The following TRAPPC9 variants were observed in gnomAD, a reference collection of about 807,000 sequenced individuals.
TRAPPC9 encodes the protein IKK2 binding protein.
TRAPPC9 carries 83 observed loss-of-function variants against 124.0 expected under a neutral mutation model. The ratio of observed to expected loss-of-function variants is 0.67; its 90% CI spans 0.56 to 0.80. The LOEUF (loss-of-function observed/expected upper bound fraction) is 0.80. Among genes scored for constraint, TRAPPC9 ranks in the 30% least tolerant of loss-of-function variants. The probability of loss-of-function intolerance (pLI) is 0.00; values close to 1 mark genes in which losing one functional copy is unlikely to be tolerated. For synonymous variants in TRAPPC9, 638 were observed against 617.5 expected, an observed-to-expected ratio of 1.03 and a Z score of -0.49; for missense variants, 1,302 against 1,508.3, an observed-to-expected ratio of 0.86 and a Z score of 2.27.
chr8:140,153,739 A>G (rs1270666518), intron 17 of TRAPPC9, among the ~76,000 whole-genome samples: 1 of 152,194 alleles, frequency 6.6e-6, no homozygotes, highest in Non-Finnish European at 1.5e-5. Flanking sequence ...TTTGATTATA[A>G]CATTCAATTG....
intron 20 of TRAPPC9, among the ~76,000 whole-genome samples, chr8:139,893,904 G>A (rs1304865623): frequency 2.6e-5 from 4 of 152,232 alleles, no homozygotes; most frequent in Admixed American, 6.5e-5. Flanking sequence ...GTAGCACCAC[G>A]TGATGCTCAC....
intron 19 of TRAPPC9, among the ~76,000 whole-genome samples, chr8:139,958,131 A>G (rs907288141): frequency 6.6e-6 from 1 of 152,196 alleles, no homozygotes; most frequent in Non-Finnish European, 1.5e-5. Context: ...CTGCCACTGC[A>G]GGCATGAGGA....
intron 15 of TRAPPC9, among the ~76,000 whole-genome samples, chr8:140,274,029 T>G (rs2065042762): frequency 6.6e-6 from 1 of 152,100 alleles, no homozygotes; most frequent in Non-Finnish European, 1.5e-5. Flanking sequence ...CCCTGTGATC[T>G]CCTTGGGGCT....
intron 19 of TRAPPC9, among the ~76,000 whole-genome samples, chr8:139,981,052 T>G (rs1836859612): frequency 6.6e-6 from 1 of 152,230 alleles, no homozygotes; most frequent in South Asian, 2.1e-4. Flanking sequence ...AACCACTGCA[T>G]CTTCCCCAGC....
intron 21 of TRAPPC9, among the ~76,000 whole-genome samples, chr8:139,817,683 G>A (rs1420321485): frequency 6.6e-6 from 1 of 152,238 alleles, no homozygotes; most frequent in Non-Finnish European, 1.5e-5. Flanking sequence ...CTTCTCTTTA[G>A]AAGGTTTTTC....
chr8:140,053,347 T>C lies in TRAPPC9; in HGVS notation c.2557-29268A>G, dbSNP rs1454360403. ...TGTTGTCCAGGAGTGTGCTGCCTAA[T>C]TGGCACACATTTGTGAATTTTCCAG... On this transcript the variant is annotated intron_variant, in intron 17 of 22. Coordinates refer to ENST00000438773, the MANE Select transcript of TRAPPC9 (RefSeq NM_001160372.4). 2.0e-5 allele frequency among the ~76,000 whole-genome samples: 3 copies of C among 152,354 alleles called. No homozygotes were observed. The East Asian group carries it at 5.8e-4, about 29-fold the overall frequency.
chr8:140,004,367 T>G (rs1433765554), intron 18 of TRAPPC9, among the ~76,000 whole-genome samples: 1 of 152,196 alleles, frequency 6.6e-6, no homozygotes, highest in Non-Finnish European at 1.5e-5. Context: ...AAAAAACATT[T>G]AAATCAATGC....
intron 21 of TRAPPC9, among the ~76,000 whole-genome samples, chr8:139,860,107 C>T (rs979070259): frequency 4.6e-5 from 7 of 152,238 alleles, no homozygotes; most frequent in African/African-American, 9.6e-5. Context: ...ACAGTGTCAG[C>T]ACATCCAGTA....
At chr8:139,938,795 G>A (rs897033657) in intron 19 of TRAPPC9, among the ~76,000 whole-genome samples, 10 of 149,938 alleles carry the variant, frequency 6.7e-5, no homozygotes, top group East Asian at 4.1e-4. Context: ...ACAGGCGCCC[G>A]CCACCACGCC....
chr8:140,404,909 CGTGTGTGTGTGTGTGT>C (rs71320356), intron 6 of TRAPPC9, among the ~76,000 whole-genome samples: 2 of 120,058 alleles, frequency 1.7e-5, no homozygotes, highest in African/African-American at 2.7e-5. Context: ...TGTGAGCATG[CGTGTGTGTGTGTGTGT>C]GTGTGTGTGT....
At chr8:140,151,847 A>G (rs1487441314) in intron 17 of TRAPPC9, among the ~76,000 whole-genome samples, 1 of 152,056 alleles carries the variant, frequency 6.6e-6, no homozygotes, top group Non-Finnish European at 1.5e-5. Flanking sequence ...ATGACACTCA[A>G]ATCTTTACCA....
intron 19 of TRAPPC9, among the ~76,000 whole-genome samples, chr8:139,954,492 G>C (rs1834855553): frequency 6.6e-6 from 1 of 152,096 alleles, no homozygotes; most frequent in Admixed American, 6.5e-5. Flanking sequence ...CTTGCCTCTA[G>C]ACCTGTGAGA....
intron 2 of TRAPPC9, among the ~76,000 whole-genome samples, chr8:140,440,804 C>T (rs2070986759): frequency 6.6e-6 from 1 of 152,076 alleles, no homozygotes. Flanking sequence ...ACTCCACAGG[C>T]AACCTTGCTG....
chr8:140,294,509 T>C (rs1385183023), intron 11 of TRAPPC9, among the ~76,000 whole-genome samples: 3 of 152,200 alleles, frequency 2.0e-5, no homozygotes, highest in Non-Finnish European at 4.4e-5. Context: ...GAAAAATCAT[T>C]TTCTAGAGTA....
At chr8:140,382,675 G>A (rs976666911) in intron 7 of TRAPPC9, among the ~76,000 whole-genome samples, 1 of 152,164 alleles carries the variant, frequency 6.6e-6, no homozygotes, top group Non-Finnish European at 1.5e-5. Context: ...CTTGAACTGG[G>A]TGGAGCCCAA....
At chr8:139,945,321 A>G (rs527595134) in intron 19 of TRAPPC9, among the ~76,000 whole-genome samples, 1 of 152,208 alleles carries the variant, frequency 6.6e-6, no homozygotes, top group East Asian at 1.9e-4. Context: ...CATCATATGA[A>G]ATAGACTTCA....
chr8:139,996,530 C>G lies in TRAPPC9; in HGVS notation c.2700-7694G>C, dbSNP rs73355307. ...TTAACAGATTATCCAATGGAAACAA[C>G]AGGGGAAAATAAAACAGAAAAAAAA... On this transcript the variant is annotated intron_variant, in intron 18 of 22. Transcript: ENST00000438773. Among the ~76,000 whole-genome samples, 225 of 151,108 alleles carry G rather than the reference C, an allele frequency of 1.5e-3. 2 individuals are homozygous for G. Among genetic ancestry groups the G allele is most frequent in the African/African-American group, 5.0e-3 (206 of 41,112 alleles).
intron 21 of TRAPPC9, among the ~76,000 whole-genome samples, chr8:139,874,608 T>TG (rs948308045): frequency 7.0e-4 from 107 of 152,190 alleles, no homozygotes; most frequent in African/African-American, 2.5e-3. Flanking sequence ...TATGAAGGCC[T>TG]GGGGGGAGCA....
intron 9 of TRAPPC9, among the ~76,000 whole-genome samples, chr8:140,340,127 C>T (rs904924374): frequency 2.6e-5 from 4 of 152,164 alleles, no homozygotes; most frequent in African/African-American, 4.8e-5. Flanking sequence ...GATTTACAGG[C>T]ATGAGCCACT....
Sources: gnomAD v4.1 joint callset for allele counts (sites outside exome capture counted in the v4.1 genomes callset) on GRCh38, gnomAD v4.1.1 for gene constraint, MANE v1.5 for transcripts, NCBI Gene and HGNC (gene_info 2026-07-23, HGNC 2026-07-21) for gene names.